Variants in PDE11A observed in about 807,000 individuals in gnomAD.
The protein encoded by PDE11A is dual 3',5'-cyclic-AMP and -GMP phosphodiesterase 11A.
In PDE11A, 100 loss-of-function variants were observed where a neutral mutation model predicts 100.5. That is an observed-to-expected ratio of 1.00 (90% CI 0.85 to 1.18). The LOEUF (loss-of-function observed/expected upper bound fraction) is 1.18, where lower values mean the gene tolerates loss of function less well. Among genes scored for constraint, PDE11A ranks in the 50% most tolerant of loss-of-function variants. PDE11A has a pLI of 0.00. For synonymous variants in PDE11A, 381 were observed against 420.8 expected, an observed-to-expected ratio of 0.91 and a Z score of 1.16; for missense variants, 1,141 against 1,152.6, an observed-to-expected ratio of 0.99 and a Z score of 0.15.
chr2:177,905,728 C>T (rs1244782365), intron 2 of PDE11A, among the ~76,000 whole-genome samples: 1 of 152,180 alleles, frequency 6.6e-6, no homozygotes, highest in East Asian at 1.9e-4. Context: ...CCAGTGGGAA[C>T]TAGGGGTCAG....
intron 19 of PDE11A, among the ~76,000 whole-genome samples, chr2:177,660,982 G>A (rs562954745): frequency 1.1e-4 from 17 of 152,194 alleles, no homozygotes; most frequent in African/African-American, 3.6e-4. Flanking sequence ...GCCTCCAGCC[G>A]TGGGGTGCCC....
chr2:177,761,776 G>T (rs2082173632), intron 10 of PDE11A, among the ~76,000 whole-genome samples: 1 of 152,204 alleles, frequency 6.6e-6, no homozygotes, highest in South Asian at 2.1e-4. Context: ...AAAACACCAA[G>T]TAGAACTATT....
chr2:177,857,030 CA>C (rs2083845947), intron 5 of PDE11A, among the ~76,000 whole-genome samples: 1 of 151,760 alleles, frequency 6.6e-6, no homozygotes, highest in Non-Finnish European at 1.5e-5. Context: ...AAGACAATGA[CA>C]AGAAAAAATC....
At chr2:178,002,779 T>C (rs1442612205) in intron 2 of PDE11A, among the ~76,000 whole-genome samples, 2 of 152,118 alleles carry the variant, frequency 1.3e-5, no homozygotes, top group African/African-American at 2.4e-5. Context: ...TAAAGTGAAA[T>C]TAGAAATCAA....
At chr2:177,738,846 C>A (rs1276464506) in intron 10 of PDE11A, among the ~76,000 whole-genome samples, 1 of 152,174 alleles carries the variant, frequency 6.6e-6, no homozygotes, top group Non-Finnish European at 1.5e-5. Flanking sequence ...TGTTCACCAG[C>A]AGGAAATGAA....
At chr2:177,784,939 G>A (rs577555545) in intron 9 of PDE11A, among the ~76,000 whole-genome samples, 6 of 152,246 alleles carry the variant, frequency 3.9e-5, no homozygotes, top group East Asian at 3.9e-4. Flanking sequence ...CTGTTTATAC[G>A]GATTAACTGC....
intron 2 of PDE11A, among the ~76,000 whole-genome samples, chr2:177,914,707 CTTA>C (rs902174295): frequency 3.3e-5 from 5 of 152,148 alleles, no homozygotes; most frequent in African/African-American, 9.7e-5. Context: ...CTAGAAAAAT[CTTA>C]TTATATCACA....
chr2:177,726,779 T>A (rs556342551), intron 12 of PDE11A, among the ~76,000 whole-genome samples: 1 of 151,548 alleles, frequency 6.6e-6, no homozygotes, highest in Admixed American at 6.6e-5. Flanking sequence ...TGCAAAAATA[T>A]AAGGTATTTA....
intron 18 of PDE11A, among the ~76,000 whole-genome samples, chr2:177,668,464 A>G (rs1030976299): frequency 3.3e-5 from 5 of 152,212 alleles, no homozygotes; most frequent in African/African-American, 1.2e-4. Context: ...TGAGAAACTA[A>G]GTCAATGTTG....
intron 10 of PDE11A, among the ~76,000 whole-genome samples, chr2:177,764,043 T>C (rs921653441): frequency 6.6e-6 from 1 of 152,222 alleles, no homozygotes; most frequent in Non-Finnish European, 1.5e-5. Flanking sequence ...ATTTCATGGA[T>C]TAAAGTGTCT....
chr2:177,811,230 G>A (rs1225264130), intron 9 of PDE11A, among the ~76,000 whole-genome samples: 4 of 152,062 alleles, frequency 2.6e-5, no homozygotes, highest in Non-Finnish European at 5.9e-5. Flanking sequence ...CAGAAAATAT[G>A]AACCTACATT....
chr2:178,032,168 A>C (rs535976025), intron 1 of PDE11A, among the ~76,000 whole-genome samples: 1 of 152,342 alleles, frequency 6.6e-6, no homozygotes, highest in African/African-American at 2.4e-5. Context: ...CCCTAACACA[A>C]AAAAGGAATT....
chr2:177,698,195 A>T (rs531977171), intron 14 of PDE11A, among the ~76,000 whole-genome samples: 2 of 152,314 alleles, frequency 1.3e-5, no homozygotes, highest in South Asian at 4.1e-4. Flanking sequence ...AATAGCTAGG[A>T]TGCATAAGAC....
intron 9 of PDE11A, among the ~76,000 whole-genome samples, chr2:177,798,610 G>C (rs1488994479): frequency 6.6e-6 from 1 of 152,078 alleles, no homozygotes; most frequent in Non-Finnish European, 1.5e-5. Context: ...GTTCTTTTTT[G>C]TTGCTGTTAA....
intron 4 of PDE11A, among the ~76,000 whole-genome samples, chr2:177,895,724 A>T (rs573863984): frequency 1.3e-5 from 2 of 152,156 alleles, no homozygotes; most frequent in Non-Finnish European, 2.9e-5. Context: ...AGAAGAAAAA[A>T]GTAGAATGGT....
At chr2:177,998,009 A>G (rs748183150) in intron 2 of PDE11A, 12 of 1,228,270 alleles carry the variant, frequency 9.8e-6, no homozygotes, top group Non-Finnish European at 1.4e-5. Flanking sequence ...GACCTTGTGG[A>G]ATGGACAGTT....
At chr2:178,034,613 A>C (rs2086587892) in intron 1 of PDE11A, among the ~76,000 whole-genome samples, 1 of 152,236 alleles carries the variant, frequency 6.6e-6, no homozygotes, top group South Asian at 2.1e-4. Context: ...AAAATTGATC[A>C]CATAGTTGGA....
chr2:177,710,025 G>A (rs1195153076), intron 13 of PDE11A, among the ~76,000 whole-genome samples: 3 of 152,082 alleles, frequency 2.0e-5, no homozygotes, highest in Admixed American at 6.6e-5. Context: ...AGAGTGAAGT[G>A]GGGATTAGGG....
intron 2 of PDE11A, among the ~76,000 whole-genome samples, chr2:177,970,340 T>C (rs1437469802): frequency 6.6e-6 from 1 of 152,122 alleles, no homozygotes; most frequent in Non-Finnish European, 1.5e-5. Context: ...TGTAGAAATA[T>C]AAACTCTCAT....
Sources: allele counts gnomAD v4.1 joint callset (sites outside exome capture counted in the v4.1 genomes callset), GRCh38; gene constraint gnomAD v4.1.1; transcripts MANE v1.5; gene names NCBI Gene and HGNC (gene_info 2026-07-23, HGNC 2026-07-21).